Variants in DMD observed in about 807,000 individuals in gnomAD.
DMD encodes mutant dystrophin.
Under a neutral mutation model 330.1 loss-of-function variants are expected in DMD, and 63 were observed. That is an observed-to-expected ratio of 0.19 (90% CI 0.16 to 0.24). The LOEUF (loss-of-function observed/expected upper bound fraction) is 0.24, where lower values mean the gene tolerates loss of function less well. Ranked by LOEUF, DMD falls within the 10% of genes least tolerant of loss-of-function variation. The pLI is 1.00. For missense variants in DMD, 3,344 were observed against 2,684.1 expected (o/e 1.25, Z -5.43); for synonymous variants, 1,223 against 959.8 (o/e 1.27, Z -5.07).
At chrX:32,053,280 A>G (rs1202007626) in intron 44 of DMD, among the ~76,000 whole-genome samples, 1 of 111,221 alleles carries the variant, frequency 9.0e-6, no homozygotes, top group Non-Finnish European at 1.9e-5. Context: ...GTTTCAGCTC[A>G]TTGCTTTGTG....
At chrX:32,593,344 G>C (rs1470481869) in intron 13 of DMD, among the ~76,000 whole-genome samples, 1 of 112,525 alleles carries the variant, frequency 8.9e-6, no homozygotes, top group Non-Finnish European at 1.9e-5. Flanking sequence ...TGTCACAAAA[G>C]CTTATTTTTT....
intron 60 of DMD, among the ~76,000 whole-genome samples, chrX:31,361,365 G>A (rs935628443): frequency 1.8e-5 from 2 of 111,637 alleles, no homozygotes; most frequent in African/African-American, 3.3e-5. Flanking sequence ...ATCGTGTGGT[G>A]GATGGCAAAG....
At chrX:32,788,232 G>C (rs1480615213) in intron 7 of DMD, among the ~76,000 whole-genome samples, 1 of 111,876 alleles carries the variant, frequency 8.9e-6, no homozygotes, top group Non-Finnish European at 1.9e-5. Context: ...ACTCTTGTTT[G>C]CTAGGTAGGA....
chrX:33,215,323 C>CAA (rs35648936), upstream of DMD, among the ~76,000 whole-genome samples: 546 of 87,844 alleles, frequency 6.2e-3, 4 homozygotes, highest in African/African-American at 0.015. Flanking sequence ...GACCCTATCT[C>CAA]AAAAAAAAAA....
At chrX:32,002,457 T>C (rs1048188884) in intron 44 of DMD, among the ~76,000 whole-genome samples, 1 of 111,858 alleles carries the variant, frequency 8.9e-6, no homozygotes, top group Non-Finnish European at 1.9e-5. Context: ...ACCAAGGTTA[T>C]GAAGGTAGCA....
intron 60 of DMD, among the ~76,000 whole-genome samples, chrX:31,371,294 TAGTTATATTGAATATTAATTCTA>T (rs147575016): frequency 0.055 from 6,068 of 111,124 alleles, 157 homozygotes; most frequent in Non-Finnish European, 0.086. Flanking sequence ...TTCATCAGAT[TAGTTATATTGAATATTAATTCTA>T]AGGTTCTGTC....
chrX:31,680,842 A>G (rs2082341320), intron 52 of DMD, among the ~76,000 whole-genome samples: 1 of 111,716 alleles, frequency 9.0e-6, no homozygotes, highest in South Asian at 3.7e-4. Context: ...GGACTACATT[A>G]TTTTTTCTAT....
At chrX:31,331,682 G>A (rs955039616) in intron 61 of DMD, among the ~76,000 whole-genome samples, 1 of 111,848 alleles carries the variant, frequency 8.9e-6, no homozygotes, top group Admixed American at 9.5e-5. Flanking sequence ...CAGTCTTTGG[G>A]CCATCTGGGT....
At chrX:32,099,893 TA>T (rs111634779) in intron 44 of DMD, among the ~76,000 whole-genome samples, 54 of 100,678 alleles carry the variant, frequency 5.4e-4, no homozygotes, top group Admixed American at 5.3e-4. Context: ...AAAGTATAAT[TA>T]AAAAAAAAAA....
rs372352615 is a variant in DMD, at chrX:32,349,276, T to C, written c.5326-748A>G. On this transcript the variant is annotated intron_variant, in intron 37 of 78. Coordinates refer to ENST00000357033, the MANE Select transcript of DMD (RefSeq NM_004006.3). ...GAAAAGACATGGAAAATCAAATATATATTCAAAAAAGTGGGCAAGGTTTAG... is the reference window on the plus strand; with the variant it reads ...GAAAAGACATGGAAAATCAAATATACATTCAAAAAAGTGGGCAAGGTTTAG... 2.1e-4 allele frequency among the ~76,000 whole-genome samples: 23 copies of C among 111,258 alleles called. No individual in the cohort carries two copies. In the South Asian group the frequency reaches 8.6e-3, roughly 41 times the overall value.
chrX:31,482,311 C>T (rs182195468), intron 57 of DMD, among the ~76,000 whole-genome samples: 1 of 109,509 alleles, frequency 9.1e-6, no homozygotes, highest in Non-Finnish European at 1.9e-5. Flanking sequence ...AACATTCCTT[C>T]CACAAGGAAA....
In DMD at chrX:31,936,866, C is replaced by T. The variant is rs908154662; in HGVS notation, c.6615-4639G>A. Among the ~76,000 whole-genome samples, 3 of 110,626 alleles carry T rather than the reference C, an allele frequency of 2.7e-5. No individual in the cohort carries two copies. In the East Asian group the frequency reaches 8.5e-4, roughly 31 times the overall value. ...AGTTTTTCAGAAACTGATATTTTTT[C>T]CCCCAGCACCATCTCTTCTGAATTG... On this transcript the variant is annotated intron_variant, in intron 45 of 78. Transcript: ENST00000357033.
At chrX:33,106,482 C>A (rs2082590609) in intron 1 of DMD, among the ~76,000 whole-genome samples, 1 of 111,884 alleles carries the variant, frequency 8.9e-6, no homozygotes, top group Non-Finnish European at 1.9e-5. Context: ...AGTTTGTAGT[C>A]TTATATTCTT....
chrX:31,778,597 A>T lies in DMD; in HGVS notation c.7310-4405T>A, dbSNP rs199689785. Among the ~76,000 whole-genome samples, 5 of 76,490 alleles carry T rather than the reference A, an allele frequency of 6.5e-5. No individual in the cohort carries two copies. In the East Asian group the frequency reaches 2.4e-3, roughly 36 times the overall value. The allele number at this position is 76,490 out of a possible 115,157, so 66.4% of individuals were successfully genotyped here. A position where few individuals can be genotyped will look rare whatever the true frequency, so the allele number is the denominator to read the frequency against. On this transcript the variant is annotated intron_variant, in intron 50 of 78. Transcript: ENST00000357033. ...TTTTTTTTTTTTTTTTTTGAGACAG[A>T]GTGTTGCTCTGTTGCCAGGCTGGAG...
chrX:31,236,105 CT>C (rs2047692805), intron 63 of DMD, among the ~76,000 whole-genome samples: 1 of 112,129 alleles, frequency 8.9e-6, no homozygotes, highest in Admixed American at 9.5e-5. Flanking sequence ...GCTGAACGTC[CT>C]TTCTCTTTCT....
At chrX:32,036,359 T>G (rs1048745074) in intron 44 of DMD, among the ~76,000 whole-genome samples, 1 of 111,327 alleles carries the variant, frequency 9.0e-6, no homozygotes, top group Admixed American at 9.6e-5. Context: ...ATCAGGGTCA[T>G]CTGACTTTTG....
intron 43 of DMD, among the ~76,000 whole-genome samples, chrX:32,263,649 T>G (rs779275479): frequency 8.9e-6 from 1 of 112,064 alleles, no homozygotes; most frequent in African/African-American, 3.2e-5. Flanking sequence ...CATGAAAATC[T>G]GAATTGATTT....
chrX:33,287,469 T>C (rs1197942314), intron 1 of DMD, among the ~76,000 whole-genome samples: 1 of 111,080 alleles, frequency 9.0e-6, no homozygotes, highest in Non-Finnish European at 1.9e-5. Context: ...ACTTATCTAA[T>C]ACACTCTTTT....
intron 70 of DMD, 50 bp from the exon 71 acceptor site, chrX:31,178,020 G>A (rs370559407): frequency 2.7e-5 from 31 of 1,147,689 alleles, no homozygotes; most frequent in African/African-American, 2.3e-4. Context: ...AAACTCAGCC[G>A]CAAAAAAATT....
Sources: allele counts gnomAD v4.1 joint callset (sites outside exome capture counted in the v4.1 genomes callset), GRCh38; gene constraint gnomAD v4.1.1; transcripts MANE v1.5; gene names NCBI Gene and HGNC (gene_info 2026-07-23, HGNC 2026-07-21).